The following TCP11 variants were observed in gnomAD, a reference collection of about 807,000 sequenced individuals.
TCP11 encodes the protein t-complex 11, also known as T-complex protein 11 homolog.
Under a neutral mutation model 45.0 loss-of-function variants are expected in TCP11, and 34 were observed. That is an observed-to-expected ratio of 0.76 (90% CI 0.57 to 1.01). The LOEUF is 1.01. TCP11 is among the 50% of genes least tolerant of loss of function. TCP11 has a pLI of 0.00. For missense variants in TCP11, 523 were observed against 598.1 expected, an observed-to-expected ratio of 0.87 and a Z score of 1.31; for synonymous variants, 227 against 227.0, an observed-to-expected ratio of 1.00 and a Z score of 0.00.
chr6:35,131,334 G>A (rs1012988702), intron 3 of TCP11, among the ~76,000 whole-genome samples: 6 of 152,086 alleles, frequency 3.9e-5, no homozygotes, highest in East Asian at 1.9e-4. Context: ...TTGGGGGGCC[G>A]AGGCGGGCGG....
chr6:35,133,281 A>G (rs1458070298), intron 3 of TCP11, among the ~76,000 whole-genome samples: 1 of 151,944 alleles, frequency 6.6e-6, no homozygotes, highest in Non-Finnish European at 1.5e-5. Context: ...GGCTCAAGTA[A>G]TCCTTCCACC....
Sources: allele counts gnomAD v4.1 joint callset (sites outside exome capture counted in the v4.1 genomes callset), GRCh38; gene constraint gnomAD v4.1.1; transcripts MANE v1.5; gene names NCBI Gene and HGNC (gene_info 2026-07-23, HGNC 2026-07-21).